Variants in TBXAS1 observed in about 807,000 individuals in gnomAD.
TBXAS1 encodes thromboxane A synthase 1, also known as thromboxane-A synthase.
Under a neutral mutation model 60.7 loss-of-function variants are expected in TBXAS1, and 48 were observed. That is an observed-to-expected ratio of 0.79 (90% confidence interval 0.63 to 1.01). The LOEUF (loss-of-function observed/expected upper bound fraction) is 1.01. Among genes scored for constraint, TBXAS1 ranks in the 50% least tolerant of loss-of-function variants. TBXAS1 has a pLI of 0.00. For missense variants in TBXAS1, 685 were observed against 686.3 expected (o/e 1.00, Z 0.02); for synonymous variants, 287 against 269.7 (o/e 1.06, Z -0.63).
At chr7:140,015,260 GA>G (rs1370551962) in intron 10 of TBXAS1, among the ~76,000 whole-genome samples, 2 of 152,130 alleles carry the variant, frequency 1.3e-5, no homozygotes, top group African/African-American at 2.4e-5. Flanking sequence ...GCTAGTCAGT[GA>G]AATGGGAGGA....
chr7:139,836,400 T>C (rs1459317207), intron 1 of TBXAS1, among the ~76,000 whole-genome samples: 1 of 152,138 alleles, frequency 6.6e-6, no homozygotes, highest in Admixed American at 6.5e-5. Flanking sequence ...AGGCCTCACA[T>C]TACCTTATTT....
intron 10 of TBXAS1, among the ~76,000 whole-genome samples, 181 bp from the exon 11 acceptor site, chr7:140,015,541 TA>T (rs1814957809): frequency 6.6e-6 from 1 of 151,964 alleles, no homozygotes; most frequent in African/African-American, 2.4e-5. Flanking sequence ...GGTAATGGGG[TA>T]GGGGCTTGGT....
Position 139,882,806 on chromosome 7 carries a change from A to G in TBXAS1, c.236+7169A>G, listed in dbSNP as rs567277433. ...GCAAAGCTGTGCATTGCCGTTCCCA[A>G]TAATGTGAATCTGAAAGCAAAATTC... is the stretch of plus-strand genomic sequence containing the variant. On this transcript the variant is annotated intron_variant, in intron 3 of 12. Coordinates refer to ENST00000448866, the MANE Select transcript of TBXAS1 (RefSeq NM_001061.7). Among the ~76,000 whole-genome samples the G allele has an allele frequency of 2.6e-5, 4 of 152,282 alleles. No homozygotes were observed. The South Asian group carries it at 6.2e-4, about 24-fold the overall frequency.
chr7:139,793,986 T>G (rs1337324962), intron 4 of TBXAS1, among the ~76,000 whole-genome samples: 1 of 152,198 alleles, frequency 6.6e-6, no homozygotes, highest in Admixed American at 6.5e-5. Flanking sequence ...GCAAAGAGAA[T>G]GAGAAGGCTG....
intron 9 of TBXAS1, among the ~76,000 whole-genome samples, chr7:139,995,495 C>T (rs756018442): frequency 6.7e-4 from 102 of 152,170 alleles, no homozygotes; most frequent in East Asian, 1.4e-3. Flanking sequence ...TGGGTGGGGG[C>T]GTGGCCATGC....
At chr7:139,784,259 CCTTT>C (rs146371600) in intron 3 of TBXAS1, among the ~76,000 whole-genome samples, 1,915 of 147,104 alleles carry the variant, frequency 0.013, 37 homozygotes, top group African/African-American at 0.045. Flanking sequence ...TTCCTTCCTT[CCTTT>C]CTTTCTTCCT....
At chr7:140,017,633 G>A (rs756336279) in intron 11 of TBXAS1, 38 bp from the exon 12 acceptor site, 48 of 1,609,652 alleles carry the variant, frequency 3.0e-5, no homozygotes, top group Non-Finnish European at 3.1e-5. Flanking sequence ...GGGAGGGAGC[G>A]GGTGTTCTGG....
intron 3 of TBXAS1, among the ~76,000 whole-genome samples, chr7:139,881,459 C>CCCG: frequency 6.6e-6 from 1 of 152,104 alleles, no homozygotes; most frequent in African/African-American, 2.4e-5. Context: ...CCTTTTTCCC[C>CCCG]CCCTCCAGGA....
At chr7:139,911,344 A>G (rs777017876) in intron 4 of TBXAS1, 23 bp downstream of exon 4, 6 of 1,579,702 alleles carry the variant, frequency 3.8e-6, no homozygotes, top group African/African-American at 1.3e-5. Context: ...CTTTCCGCAT[A>G]TAGATGGATG....
chr7:139,984,232 G>C (rs1812170413), intron 9 of TBXAS1, among the ~76,000 whole-genome samples: 1 of 152,120 alleles, frequency 6.6e-6, no homozygotes, highest in Non-Finnish European at 1.5e-5. Context: ...CTGGTTAAGT[G>C]GAATAACATA....
chr7:139,858,261 C>T (rs760326092), intron 1 of TBXAS1, among the ~76,000 whole-genome samples: 69 of 152,182 alleles, frequency 4.5e-4, no homozygotes, highest in Admixed American at 2.0e-3. Context: ...ATTGTGCCAG[C>T]TTTGACACCT....
intron 3 of TBXAS1, among the ~76,000 whole-genome samples, chr7:139,876,973 G>C (rs1802279619): frequency 6.6e-6 from 1 of 152,194 alleles, no homozygotes; most frequent in South Asian, 2.1e-4. Flanking sequence ...TCGGCTGGCA[G>C]GTTCTCATGG....
intron 5 of TBXAS1, among the ~76,000 whole-genome samples, chr7:139,938,705 C>T (rs908606286): frequency 4.0e-5 from 6 of 151,888 alleles, no homozygotes; most frequent in East Asian, 1.9e-4. Flanking sequence ...GCATCACTAG[C>T]GTATATGTCT....
chr7:139,930,800 G>A (rs371495301), intron 4 of TBXAS1, among the ~76,000 whole-genome samples: 16 of 152,272 alleles, frequency 1.1e-4, no homozygotes, highest in African/African-American at 2.9e-4. Context: ...GTACGGATGG[G>A]TGTGACAAGG....
At chr7:139,799,157 T>C (rs780034176) in intron 4 of TBXAS1, among the ~76,000 whole-genome samples, 1 of 150,554 alleles carries the variant, frequency 6.6e-6, no homozygotes, top group African/African-American at 2.5e-5. Context: ...CAGCTTCCAC[T>C]TCCTGGGCTC....
At chr7:139,969,072 G>A (rs1453201463) in intron 9 of TBXAS1, among the ~76,000 whole-genome samples, 2 of 151,990 alleles carry the variant, frequency 1.3e-5, no homozygotes, top group East Asian at 1.9e-4. Flanking sequence ...CTTCTCTTTG[G>A]TGCTGGACTC....
In TBXAS1 at chr7:140,013,185, G is replaced by C. The variant is rs1050879283; in HGVS notation, c.1227-2538G>C. Among the ~76,000 whole-genome samples the C allele has an allele frequency of 6.6e-6, 1 of 152,270 alleles. No homozygotes were observed. Among genetic ancestry groups the C allele is most frequent in the African/African-American group, 2.4e-5 (1 of 41,566 alleles). On this transcript the variant is annotated intron_variant, in intron 10 of 12. Transcript: ENST00000448866. This position sits in a 1 kb window ranked among gnomAD's most constrained non-coding sequence, Gnocchi z 4.2. ...AGTTGAAGGGAGTTCTGACAGGTAA[G>C]ACTGTTGTCTGGCAAGTGAACTGTT...
At chr7:139,791,361 G>T (rs1305065222) in intron 4 of TBXAS1, among the ~76,000 whole-genome samples, 2 of 152,224 alleles carry the variant, frequency 1.3e-5, no homozygotes, top group African/African-American at 4.8e-5. Context: ...TTCACTTCCA[G>T]CTGGCAGATA....
At chr7:139,953,683 T>TC (rs954253989) in intron 6 of TBXAS1, among the ~76,000 whole-genome samples, 2 of 152,132 alleles carry the variant, frequency 1.3e-5, no homozygotes, top group Non-Finnish European at 2.9e-5. Context: ...TGTGGATGGA[T>TC]CCACCCTCTG....
Sources: allele counts gnomAD v4.1 joint callset (sites outside exome capture counted in the v4.1 genomes callset), GRCh38; gene constraint gnomAD v4.1.1; non-coding constraint Gnocchi (gnomAD v3.1); transcripts MANE v1.5; gene names NCBI Gene and HGNC (gene_info 2026-07-23, HGNC 2026-07-21).